The following LY96 variants were observed in gnomAD, a reference collection of about 807,000 sequenced individuals.
The protein encoded by LY96 is myeloid differentiation protein-2.
A neutral mutation model predicts 18.9 loss-of-function variants in LY96; 18 were observed. The observed-to-expected ratio is 0.95, with a 90% CI of 0.66 to 1.41. The LOEUF (loss-of-function observed/expected upper bound fraction) is 1.41. Ranked by LOEUF, LY96 falls within the 40% of genes most tolerant of loss-of-function variation. The probability of loss-of-function intolerance (pLI) is 0.00; values close to 1 mark genes in which losing one functional copy is unlikely to be tolerated. For synonymous variants in LY96, 66 were observed against 62.6 expected, an observed-to-expected ratio of 1.06 and a Z score of -0.26; for missense variants, 175 against 182.4, an observed-to-expected ratio of 0.96 and a Z score of 0.23.
chr8:74,015,487 T>C (rs1816622847), intron 3 of LY96, among the ~76,000 whole-genome samples: 1 of 152,186 alleles, frequency 6.6e-6, no homozygotes, highest in Non-Finnish European at 1.5e-5. Flanking sequence ...TCTTCCCTCC[T>C]ATGTTTGTCT....
At chr8:74,055,491 C>G in the LY96 span, among the ~76,000 whole-genome samples, 1 of 152,084 alleles carries the variant, frequency 6.6e-6, no homozygotes, top group Non-Finnish European at 1.5e-5. Flanking sequence ...AAATCAATTG[C>G]TGTATGTAGA....
chr8:74,054,827 T>C, the LY96 span, among the ~76,000 whole-genome samples: 1 of 151,264 alleles, frequency 6.6e-6, no homozygotes, highest in East Asian at 1.9e-4. Context: ...CCATGCCCAG[T>C]TAATTTTTTT....
chr8:74,018,821 CTACTGGG>C (rs1298126348), intron 3 of LY96, among the ~76,000 whole-genome samples: 1 of 152,186 alleles, frequency 6.6e-6, no homozygotes, highest in Middle Eastern at 3.2e-3. Flanking sequence ...TCCTAAGTGA[CTACTGGG>C]TACATAACGA....
chr8:74,090,412 C>A, the LY96 span, among the ~76,000 whole-genome samples: 467 of 152,046 alleles, frequency 3.1e-3, 4 homozygotes, highest in South Asian at 0.036. Context: ...ATAATTAGGA[C>A]AAATAGGTAA....
At chr8:74,068,349 A>C in the LY96 span, among the ~76,000 whole-genome samples, 1 of 152,150 alleles carries the variant, frequency 6.6e-6, no homozygotes, top group Non-Finnish European at 1.5e-5. Context: ...TATCTGTTAT[A>C]AAGATACACT....
At chr8:74,081,091 T>TTCTTTCTC in the LY96 span, among the ~76,000 whole-genome samples, 2 of 113,246 alleles carry the variant, frequency 1.8e-5, no homozygotes, top group Non-Finnish European at 3.5e-5. Flanking sequence ...CTTTCTCTCT[T>TTCTTTCTC]TCTTTCTTTC....
the LY96 span, among the ~76,000 whole-genome samples, chr8:74,080,165 G>T: frequency 0.046 from 7,042 of 152,252 alleles, 224 homozygotes; most frequent in African/African-American, 0.088. Context: ...CCCCTGGAAG[G>T]CAGCTGAGGC....
At chr8:74,074,668 G>T in the LY96 span, among the ~76,000 whole-genome samples, 1 of 151,978 alleles carries the variant, frequency 6.6e-6, no homozygotes, top group African/African-American at 2.4e-5. Flanking sequence ...GTATCCCATA[G>T]GTTTTGGTAT....
At chr8:74,024,292 T>C (rs1037493201) in intron 3 of LY96, among the ~76,000 whole-genome samples, 10 of 151,510 alleles carry the variant, frequency 6.6e-5, no homozygotes, top group African/African-American at 2.2e-4. Context: ...TTGTGATAAA[T>C]ACTCTCAAAG....
At chr8:73,991,876 C>T (rs184968634) in intron 1 of LY96, among the ~76,000 whole-genome samples, 6 of 152,016 alleles carry the variant, frequency 3.9e-5, no homozygotes, top group African/African-American at 1.2e-4. Flanking sequence ...TGAGCTTTCA[C>T]CTCAGCCTTG....
chr8:74,063,028 T>C, the LY96 span, among the ~76,000 whole-genome samples: 1 of 152,238 alleles, frequency 6.6e-6, no homozygotes, highest in East Asian at 1.9e-4. Context: ...TGTGTCATTC[T>C]GTATCAAGAT....
chr8:74,002,576 T>C (rs1816318802), intron 1 of LY96, among the ~76,000 whole-genome samples: 1 of 140,762 alleles, frequency 7.1e-6, no homozygotes, highest in African/African-American at 2.8e-5. Context: ...TTTATTTCTT[T>C]TTTTTTTTTT....
At chr8:74,097,716 A>G in the LY96 span, among the ~76,000 whole-genome samples, 1 of 151,630 alleles carries the variant, frequency 6.6e-6, no homozygotes, top group Non-Finnish European at 1.5e-5. Flanking sequence ...AAATAAATAA[A>G]TAAATAAATA....
At chr8:74,042,190 ATG>A in the LY96 span, among the ~76,000 whole-genome samples, 1 of 152,330 alleles carries the variant, frequency 6.6e-6, no homozygotes, top group Admixed American at 6.5e-5. Flanking sequence ...AAAGGCATGC[ATG>A]CATTACTGTG....
At chr8:74,039,320 T>C in the LY96 span, among the ~76,000 whole-genome samples, 1 of 152,218 alleles carries the variant, frequency 6.6e-6, no homozygotes, top group Non-Finnish European at 1.5e-5. Context: ...GGTTGTCTCT[T>C]CATTTTGTTG....
the LY96 span, among the ~76,000 whole-genome samples, chr8:74,053,965 C>T: frequency 1.3e-5 from 2 of 152,332 alleles, no homozygotes; most frequent in African/African-American, 4.8e-5. Flanking sequence ...GATGCTGGTG[C>T]TGTGCTTTTG....
At chr8:74,084,200 G>A in the LY96 span, among the ~76,000 whole-genome samples, 4 of 152,092 alleles carry the variant, frequency 2.6e-5, no homozygotes, top group Non-Finnish European at 4.4e-5. Context: ...CTTGAGTTTA[G>A]GGCAGAAATA....
chr8:74,019,719 G>A (rs775549062), intron 3 of LY96, among the ~76,000 whole-genome samples: 7 of 151,982 alleles, frequency 4.6e-5, no homozygotes, highest in Admixed American at 2.0e-4. Context: ...AAGCTTATGC[G>A]CCAAGATCAA....
intron 4 of LY96, among the ~76,000 whole-genome samples, chr8:74,027,452 A>T (rs552841045): frequency 6.6e-6 from 1 of 151,904 alleles, no homozygotes; most frequent in Admixed American, 6.6e-5. Flanking sequence ...TTACAGGCAC[A>T]TGCCACTATG....
Sources: allele counts gnomAD v4.1 joint callset (sites outside exome capture counted in the v4.1 genomes callset), GRCh38; gene constraint gnomAD v4.1.1; transcripts MANE v1.5; gene names NCBI Gene and HGNC (gene_info 2026-07-23, HGNC 2026-07-21).